Variants in MFAP5 observed in about 807,000 individuals in gnomAD.
MFAP5 encodes the protein microfibrillar-associated protein 5.
MFAP5 carries 19 observed loss-of-function variants against 30.1 expected under a neutral mutation model. The observed-to-expected ratio is 0.63, with a 90% confidence interval of 0.44 to 0.93. The LOEUF (loss-of-function observed/expected upper bound fraction) is 0.93. Ranked by LOEUF, MFAP5 falls within the 40% of genes least tolerant of loss-of-function variation. The pLI is 0.00. For missense variants in MFAP5, 210 were observed against 221.3 expected (o/e 0.95, Z 0.32); for synonymous variants, 92 against 72.9 (o/e 1.26, Z -1.33).
intron 7 of MFAP5, 33 bp downstream of exon 7, chr12:8,651,629 A>T: frequency 1.2e-6 from 2 of 1,609,238 alleles, no homozygotes; most frequent in Non-Finnish European, 1.7e-6. Context: ...GAAGAAAAAA[A>T]GGCTTAAGAA....
chr12:8,652,952 G>T (rs2043943), intron 6 of MFAP5, among the ~76,000 whole-genome samples: 1 of 152,062 alleles, frequency 6.6e-6, no homozygotes, highest in Non-Finnish European at 1.5e-5. Context: ...CACTTTGGGA[G>T]GCCAGGGTGG....
chr12:8,656,589 T>TAC (rs1219005603), intron 3 of MFAP5, among the ~76,000 whole-genome samples: 3 of 134,652 alleles, frequency 2.2e-5, no homozygotes, highest in East Asian at 2.0e-4. Context: ...TATATATATA[T>TAC]ATACACACAC....
At chr12:8,648,301 A>C in intron 9 of MFAP5, 98 bp from the exon 10 acceptor site, 1 of 1,084,220 alleles carries the variant, frequency 9.2e-7, no homozygotes, top group Non-Finnish European at 1.3e-6. Context: ...GGTGTAGTGA[A>C]AAGGTTGGAG....
chr12:8,659,766 A>C (rs973622373), intron 3 of MFAP5, among the ~76,000 whole-genome samples: 2 of 152,206 alleles, frequency 1.3e-5, no homozygotes, highest in South Asian at 4.1e-4. Context: ...AACTAAGAGA[A>C]GTTTTATTAA....
chr12:8,662,099 C>G lies in MFAP5; in HGVS notation c.6G>C (p.Ser2=). 1 of 1,613,446 alleles carries G rather than the reference C, an allele frequency of 6.2e-7. No individual in the cohort carries two copies. The highest frequency in any genetic ancestry group is 1.7e-5 in the Admixed American group (1 of 59,992). M[S]LLGPKVLLFL... ...ACAGCAGCACCTTGGGTCCCAAGAG[C>G]GACATATCTATAGGGGTGGTGGGCA... Residue 2 remains serine (S), a synonymous_variant, in exon 2 of 10, where the codon TCG becomes TCC. Coordinates refer to ENST00000359478, the MANE Select transcript of MFAP5 (RefSeq NM_003480.4).
rs905710680 is a variant in MFAP5 at position 8,646,274 on chromosome 12, C to T, written c.*1817G>A. On this transcript the variant is annotated 3_prime_UTR_variant, in exon 10 of 10. Transcript: ENST00000359478. ...AATCAGTTGTACAGATCCCATTAAA[C>T]GAAATTGTTTCTTAACAGCAAGAAT... The T allele has an allele frequency of 1.3e-5, 2 of 152,054 alleles. No individual in the cohort carries two copies. The highest frequency in any genetic ancestry group is 2.4e-5 in the African/African-American group (1 of 41,398). 9.4% of individuals were successfully genotyped at this position (152,054 alleles called of 1,614,324 possible). A position where few individuals can be genotyped will look rare whatever the true frequency, so the allele number is the denominator to read the frequency against.
intron 6 of MFAP5, 148 bp from the exon 7 acceptor site, chr12:8,651,839 A>G (rs1941847413): frequency 1.4e-6 from 1 of 701,742 alleles, no homozygotes; most frequent in Admixed American, 2.4e-5. Context: ...CTAAAAGAAA[A>G]CCCTTATTGA....
intron 4 of MFAP5, 33 bp from the exon 5 acceptor site, chr12:8,655,480 G>A (rs1343076265): frequency 1.3e-6 from 2 of 1,599,574 alleles, no homozygotes; most frequent in Non-Finnish European, 1.7e-6. Flanking sequence ...ATGAAAAAAT[G>A]CAGTCAGGAA....
intron 3 of MFAP5, among the ~76,000 whole-genome samples, chr12:8,660,391 T>G (rs1027652347): frequency 3.3e-5 from 5 of 151,830 alleles, no homozygotes; most frequent in African/African-American, 1.2e-4. Flanking sequence ...CTCCCTGTGC[T>G]GCCCAGTTTG....
At position 8,656,649 on chromosome 12, in the gene MFAP5, C is replaced by CATATAT. The variant is rs757365767; in HGVS notation, c.95-825_95-820dup. 3.2e-4 allele frequency among the ~76,000 whole-genome samples: 35 copies of CATATAT among 109,064 alleles called. 1 individual carries two copies. In the South Asian group the frequency reaches 9.1e-3, roughly 28 times the overall value. The allele number at this position is 109,064 out of a possible 152,430, so 71.6% of individuals were successfully genotyped here. On this transcript the variant is annotated intron_variant, in intron 3 of 9. Transcript: ENST00000359478. ...ATACACACACACACACACACACACA[C>CATATAT]ATATATATATATATATATATTTTTT...
chr12:8,655,136 G>C (rs1941946560), intron 5 of MFAP5, among the ~76,000 whole-genome samples: 2 of 151,490 alleles, frequency 1.3e-5, no homozygotes, highest in African/African-American at 4.9e-5. Context: ...AAATTAGTCA[G>C]GCATGGTGTC....
chr12:8,651,181 A>T (rs1941829198), intron 7 of MFAP5, among the ~76,000 whole-genome samples: 1 of 152,150 alleles, frequency 6.6e-6, no homozygotes, highest in South Asian at 2.1e-4. Context: ...AAATAAAATA[A>T]AATAAAACAA....
rs898224770 is a variant in MFAP5 at position 8,648,032 on chromosome 12, G to C, written c.*59C>G. 3.1e-6 allele frequency: 4 copies of C among 1,308,834 alleles called. No homozygotes were observed. Among genetic ancestry groups the C allele is most frequent in the Non-Finnish European group, 4.4e-6 (4 of 914,542 alleles). The allele number at this position is 1,308,834 out of a possible 1,614,324, so 81.1% of individuals were successfully genotyped here. A position where few individuals can be genotyped will look rare whatever the true frequency, so the allele number is the denominator to read the frequency against. ...GGGTTAGCTGTCAATGGTTGGAGAA[G>C]AAGGAGATCCTCCTTCCTCTCACCC... On this transcript the variant is annotated 3_prime_UTR_variant, in exon 10 of 10. Transcript: ENST00000359478.
rs1339317781 is a variant in MFAP5 at position 8,647,882 on chromosome 12, T to C, written c.*209A>G. The stretch of plus-strand genomic sequence containing the variant: ...ATTGAGAAGCAGCAAAATTATGCAA[T>C]AATATAGACTTTGTATTTTAAGTGC... On this transcript the variant is annotated 3_prime_UTR_variant, in exon 10 of 10. Transcript: ENST00000359478. 1 of 408,808 alleles carries C rather than the reference T, an allele frequency of 2.4e-6. No individual in the cohort carries two copies. The allele number at this position is 408,808 out of a possible 1,614,324, so 25.3% of individuals were successfully genotyped here.
At position 8,655,831 on chromosome 12, in the gene MFAP5, C is replaced by A; in HGVS notation, c.95-1G>T. 6.2e-7 allele frequency: 1 copy of A among 1,610,152 alleles called. No homozygotes were observed. On this transcript the variant is annotated splice_acceptor_variant, in intron 3 of 9. Coordinates refer to ENST00000359478, the MANE Select transcript of MFAP5 (RefSeq NM_003480.4). LOFTEE classifies it high-confidence loss of function. The stretch of plus-strand genomic sequence containing the variant: ...TCTGGAGTCGCTTGAGTCACATCGT[C>A]TGAAAAGAAAATTAGAAAACAATTT...
In MFAP5 at chr12:8,656,649, C is replaced by CATATATAT. The variant is rs757365767; in HGVS notation, c.95-827_95-820dup. ...ATACACACACACACACACACACACA[C>CATATATAT]ATATATATATATATATATATTTTTT... On this transcript the variant is annotated intron_variant, in intron 3 of 9. Transcript: ENST00000359478. 2.8e-5 allele frequency among the ~76,000 whole-genome samples: 3 copies of CATATATAT among 109,076 alleles called. No individual in the cohort carries two copies. The South Asian group carries it at 8.7e-4, about 32-fold the overall frequency. The allele number at this position is 109,076 out of a possible 152,430, so 71.6% of individuals were successfully genotyped here.
intron 6 of MFAP5, 80 bp downstream of exon 6, chr12:8,654,357 A>G: frequency 1.5e-6 from 2 of 1,367,012 alleles, no homozygotes; most frequent in Non-Finnish European, 2.0e-6. Flanking sequence ...ATCCTTCAGC[A>G]GCTGCACACT....
intron 3 of MFAP5, among the ~76,000 whole-genome samples, chr12:8,659,339 A>G (rs1014465450): frequency 2.6e-5 from 4 of 151,492 alleles, no homozygotes; most frequent in African/African-American, 7.3e-5. Context: ...GGGTCTCACT[A>G]TATTGCCCAG....
At chr12:8,651,990 A>G (rs1941850929) in intron 6 of MFAP5, among the ~76,000 whole-genome samples, 1 of 152,200 alleles carries the variant, frequency 6.6e-6, no homozygotes, top group Non-Finnish European at 1.5e-5. Flanking sequence ...TTTAGTAGGA[A>G]CACAAGGCAA....
Sources: allele counts gnomAD v4.1 joint callset (sites outside exome capture counted in the v4.1 genomes callset), GRCh38; gene constraint gnomAD v4.1.1; transcripts MANE v1.5; gene names NCBI Gene and HGNC (gene_info 2026-07-23, HGNC 2026-07-21).